The following PRKN variants were observed in gnomAD, a reference collection of about 807,000 sequenced individuals.
The protein encoded by PRKN is E3 ubiquitin-protein ligase parkin.
Under a neutral mutation model 59.5 loss-of-function variants are expected in PRKN, and 56 were observed. The ratio of observed to expected loss-of-function variants is 0.94; its 90% CI spans 0.76 to 1.18. The LOEUF is 1.18. PRKN is among the 50% of genes most tolerant of loss of function. PRKN has a pLI of 0.00. For synonymous variants in PRKN, 250 were observed against 222.1 expected (o/e 1.13, Z -1.12); for missense variants, 657 against 596.4 (o/e 1.10, Z -1.06).
chr6:162,577,251 A>G (rs1780596733), intron 1 of PRKN, among the ~76,000 whole-genome samples: 1 of 152,108 alleles, frequency 6.6e-6, no homozygotes, highest in African/African-American at 2.4e-5. Context: ...AATAATAGGA[A>G]AAAAATCAAT....
chr6:162,167,689 G>A (rs1783055320), intron 4 of PRKN, among the ~76,000 whole-genome samples: 1 of 151,732 alleles, frequency 6.6e-6, no homozygotes, highest in African/African-American at 2.4e-5. Context: ...AAAATGTATG[G>A]GAGCCATTGT....
chr6:162,407,870 G>T (rs936317527), intron 2 of PRKN, among the ~76,000 whole-genome samples: 14 of 151,402 alleles, frequency 9.2e-5, no homozygotes, highest in African/African-American at 2.7e-4. Context: ...ATGTAACTTG[G>T]TTAAACTTAC....
At chr6:162,171,417 T>G (rs527928620) in intron 4 of PRKN, among the ~76,000 whole-genome samples, 1 of 152,226 alleles carries the variant, frequency 6.6e-6, no homozygotes, top group East Asian at 1.9e-4. Context: ...AACGCTGCTT[T>G]TCTGATGATT....
rs1472907958 is a variant in PRKN at position 161,461,512 on chromosome 6, T to C, written c.1084-74635A>G. 6.6e-6 allele frequency among the ~76,000 whole-genome samples: 1 copy of C among 151,940 alleles called. No homozygotes were observed. The highest frequency in any genetic ancestry group is 1.9e-4 in the East Asian group (1 of 5,156). On this transcript the variant is annotated intron_variant, in intron 9 of 11. Transcript: ENST00000366898. The surrounding 1 kb of genome is among the most constrained non-coding windows in gnomAD (Gnocchi z 5.1). The stretch of plus-strand genomic sequence containing the variant: ...GGAAGAGTGTAGGTTGTTCCAGTAG[T>C]TGAGGTAAAGAGTGGGGACCCTGAG...
intron 3 of PRKN, among the ~76,000 whole-genome samples, chr6:162,252,667 C>T (rs1458193306): frequency 1.3e-5 from 2 of 152,210 alleles, no homozygotes; most frequent in African/African-American, 2.4e-5. Flanking sequence ...CATCTATGAA[C>T]CAGCAAGCAG....
At chr6:161,646,698 G>C (rs1317253790) in intron 7 of PRKN, among the ~76,000 whole-genome samples, 1 of 152,200 alleles carries the variant, frequency 6.6e-6, no homozygotes, top group East Asian at 1.9e-4. Flanking sequence ...GGTGTTTGAT[G>C]CAGCCTCCTA....
chr6:161,874,214 TA>T (rs1231982828), intron 6 of PRKN, among the ~76,000 whole-genome samples: 9 of 43,774 alleles, frequency 2.1e-4, no homozygotes, highest in Non-Finnish European at 3.4e-4. Flanking sequence ...ATATGTAAAA[TA>T]TAATATATAT....
chr6:162,518,193 TA>T (rs766810916), intron 1 of PRKN, among the ~76,000 whole-genome samples: 2 of 152,160 alleles, frequency 1.3e-5, no homozygotes, highest in Admixed American at 6.5e-5. Context: ...ACATAAAAAT[TA>T]CAAGAATTTT....
chr6:161,560,154 C>T lies in PRKN; in HGVS notation c.933+9201G>A, dbSNP rs1042638620. On this transcript the variant is annotated intron_variant, in intron 8 of 11. Coordinates refer to ENST00000366898, the MANE Select transcript of PRKN (RefSeq NM_004562.3). This position sits in a 1 kb window ranked among gnomAD's most constrained non-coding sequence, Gnocchi z 4.9. Reference sequence around the variant, plus strand: ...AGCCAATTTCCATGCTTCCCTCTCTCCTAAGCCTTTTTTCTGTGTCCCCTG... The same window carrying T: ...AGCCAATTTCCATGCTTCCCTCTCTTCTAAGCCTTTTTTCTGTGTCCCCTG... 6.6e-6 allele frequency among the ~76,000 whole-genome samples: 1 copy of T among 152,164 alleles called. No individual in the cohort carries two copies. Among genetic ancestry groups the T allele is most frequent in the Admixed American group, 6.5e-5 (1 of 15,286 alleles).
intron 6 of PRKN, among the ~76,000 whole-genome samples, chr6:161,874,816 G>GTATAATATAGAAAATATA (rs1794625291): frequency 1.1e-5 from 1 of 93,560 alleles, no homozygotes; most frequent in African/African-American, 5.3e-5. Context: ...TATATAAAAT[G>GTATAATATAGAAAATATA]TATAATATAT....
At chr6:162,334,857 G>A (rs879534270) in intron 2 of PRKN, among the ~76,000 whole-genome samples, 1 of 152,118 alleles carries the variant, frequency 6.6e-6, no homozygotes, top group Non-Finnish European at 1.5e-5. Context: ...AGAAGATTTG[G>A]ATTCCATCTT....
chr6:162,265,392 C>T (rs1780083132), intron 2 of PRKN, among the ~76,000 whole-genome samples: 1 of 152,070 alleles, frequency 6.6e-6, no homozygotes, highest in Non-Finnish European at 1.5e-5. Flanking sequence ...TGCTAAGGTC[C>T]ATCAAAAGAA....
At chr6:161,952,281 G>A (rs1207657339) in intron 6 of PRKN, among the ~76,000 whole-genome samples, 2 of 152,142 alleles carry the variant, frequency 1.3e-5, no homozygotes, top group Non-Finnish European at 2.9e-5. Context: ...AAGATGGTCA[G>A]TGAAGAGAGG....
chr6:162,557,350 GA>G (rs1779649707), intron 1 of PRKN, among the ~76,000 whole-genome samples: 1 of 152,198 alleles, frequency 6.6e-6, no homozygotes, highest in South Asian at 2.1e-4. Flanking sequence ...CAGCTTCCCT[GA>G]GCCTAGTCCC....
chr6:161,682,738 T>A (rs966072981), intron 7 of PRKN, among the ~76,000 whole-genome samples: 3 of 152,148 alleles, frequency 2.0e-5, no homozygotes, highest in Admixed American at 2.0e-4. Flanking sequence ...AGAGGGCCGC[T>A]CTGCAAGACG....
Position 161,592,248 on chromosome 6 carries a change from T to G in PRKN, c.872-22832A>C, listed in dbSNP as rs553955971. ...ATACAGGGGGTTGACAGACACTAGG[T>G]TGAGGTAATGCTTCATGATTGTTGA... On this transcript the variant is annotated intron_variant, in intron 7 of 11. Transcript: ENST00000366898. This position sits in a 1 kb window ranked among gnomAD's most constrained non-coding sequence, Gnocchi z 4.8. Among the ~76,000 whole-genome samples the G allele has an allele frequency of 6.6e-6, 1 of 152,154 alleles. No homozygotes were observed. Among genetic ancestry groups the G allele is most frequent in the Non-Finnish European group, 1.5e-5 (1 of 68,020 alleles).
rs1037323051 is a variant in PRKN, at chr6:161,591,647, G to A, written c.872-22231C>T. Among the ~76,000 whole-genome samples, 3 of 152,128 alleles carry A rather than the reference G, an allele frequency of 2.0e-5. No individual in the cohort carries two copies. The South Asian group carries it at 6.2e-4, about 32-fold the overall frequency. Reference sequence around the variant, plus strand: ...AAAGCAATGTTTCAAATATCCGAAGGTAAGGCCAGTTCTTTATTTTTTGAT... The same window carrying A: ...AAAGCAATGTTTCAAATATCCGAAGATAAGGCCAGTTCTTTATTTTTTGAT... On this transcript the variant is annotated intron_variant, in intron 7 of 11. Coordinates refer to ENST00000366898, the MANE Select transcript of PRKN (RefSeq NM_004562.3).
intron 6 of PRKN, among the ~76,000 whole-genome samples, chr6:161,885,135 TAAA>T (rs66612910): frequency 8.2e-6 from 1 of 121,764 alleles, no homozygotes; most frequent in Admixed American, 8.0e-5. Flanking sequence ...GAAGAAAAAC[TAAA>T]AAAAAAAAAA....
intron 1 of PRKN, among the ~76,000 whole-genome samples, chr6:162,694,236 C>A (rs141092787): frequency 0.015 from 1,414 of 93,366 alleles, no homozygotes; most frequent in Middle Eastern, 0.024. Flanking sequence ...AACAGTGAGA[C>A]AAAAAAAAAA....
Sources: gnomAD v4.1 joint callset for allele counts (sites outside exome capture counted in the v4.1 genomes callset) on GRCh38, gnomAD v4.1.1 for gene constraint, Gnocchi (gnomAD v3.1) non-coding constraint, MANE v1.5 for transcripts, NCBI Gene and HGNC (gene_info 2026-07-23, HGNC 2026-07-21) for gene names.